The following AMPH variants were observed in gnomAD, a reference collection of about 807,000 sequenced individuals.
AMPH encodes the protein amphiphysin (Stiff-Mann syndrome with breast cancer 128kD autoantigen).
Under a neutral mutation model 99.1 loss-of-function variants are expected in AMPH, and 49 were observed. The observed-to-expected ratio is 0.49, with a 90% CI of 0.39 to 0.63. The LOEUF (loss-of-function observed/expected upper bound fraction) is 0.63. Among genes scored for constraint, AMPH ranks in the 20% least tolerant of loss-of-function variants. The probability of loss-of-function intolerance (pLI) is 0.00; values close to 1 mark genes in which losing one functional copy is unlikely to be tolerated. For missense variants in AMPH, 759 were observed against 863.4 expected (o/e 0.88, Z 1.52); for synonymous variants, 314 against 317.3 (o/e 0.99, Z 0.11).
chr7:38,584,315 C>T (rs1792569815), intron 1 of AMPH, among the ~76,000 whole-genome samples: 1 of 152,154 alleles, frequency 6.6e-6, no homozygotes, highest in Non-Finnish European at 1.5e-5. Context: ...CACCTAGAAT[C>T]AGCTATTTCT....
At chr7:38,448,542 A>G (rs1786878577) in intron 11 of AMPH, among the ~76,000 whole-genome samples, 1 of 152,212 alleles carries the variant, frequency 6.6e-6, no homozygotes, top group South Asian at 2.1e-4. Context: ...TGATAACAAT[A>G]TACTGTAATA....
intron 12 of AMPH, 50 bp downstream of exon 12, chr7:38,436,222 C>T: frequency 7.4e-7 from 1 of 1,344,216 alleles, no homozygotes; most frequent in Middle Eastern, 1.8e-4. Flanking sequence ...CCACACTGAG[C>T]TTACTGAGGT....
At chr7:38,454,030 C>T (rs571581956) in intron 11 of AMPH, among the ~76,000 whole-genome samples, 17 of 152,306 alleles carry the variant, frequency 1.1e-4, no homozygotes, top group African/African-American at 4.1e-4. Flanking sequence ...GGCGGCATCT[C>T]GGTATCCACA....
At chr7:38,432,391 C>A (rs1329772994) in intron 12 of AMPH, among the ~76,000 whole-genome samples, 179 bp from the exon 13 acceptor site, 1 of 152,034 alleles carries the variant, frequency 6.6e-6, no homozygotes, top group Admixed American at 6.6e-5. Flanking sequence ...AGTATGGTAG[C>A]CACCAGTCAC....
At chr7:38,423,078 G>C (rs1785649466) in intron 15 of AMPH, among the ~76,000 whole-genome samples, 1 of 152,196 alleles carries the variant, frequency 6.6e-6, no homozygotes, top group Non-Finnish European at 1.5e-5. Flanking sequence ...GGCTTCAGGG[G>C]CATCTTTAGT....
At chr7:38,626,636 C>T (rs1794252501) in intron 1 of AMPH, among the ~76,000 whole-genome samples, 1 of 152,162 alleles carries the variant, frequency 6.6e-6, no homozygotes, top group Non-Finnish European at 1.5e-5. Flanking sequence ...TAGGCATGGG[C>T]AAAGACTCTA....
At chr7:38,434,853 T>C (rs1328007677) in intron 12 of AMPH, among the ~76,000 whole-genome samples, 1 of 152,210 alleles carries the variant, frequency 6.6e-6, no homozygotes, top group Non-Finnish European at 1.5e-5. Flanking sequence ...CAATTATATG[T>C]ACATTCACTT....
intron 1 of AMPH, among the ~76,000 whole-genome samples, chr7:38,593,478 A>G (rs1040870642): frequency 3.3e-5 from 5 of 152,262 alleles, no homozygotes; most frequent in Non-Finnish European, 7.3e-5. Context: ...TGGCTCTTAC[A>G]TTAAGTCAAA....
chr7:38,568,850 C>T (rs1188570422), intron 1 of AMPH, among the ~76,000 whole-genome samples: 1 of 152,114 alleles, frequency 6.6e-6, no homozygotes, highest in Non-Finnish European at 1.5e-5. Flanking sequence ...GAGAGCTGAA[C>T]CCTGACACTG....
At chr7:38,406,230 G>C (rs1562731877) in intron 17 of AMPH, among the ~76,000 whole-genome samples, 1 of 152,090 alleles carries the variant, frequency 6.6e-6, no homozygotes, top group Non-Finnish European at 1.5e-5. Flanking sequence ...TAAGAGGAAA[G>C]TTTATACTGT....
intron 3 of AMPH, among the ~76,000 whole-genome samples, chr7:38,500,493 A>G (rs1789095248): frequency 6.6e-6 from 1 of 152,178 alleles, no homozygotes; most frequent in Non-Finnish European, 1.5e-5. Flanking sequence ...TCTGGAGCTC[A>G]AGCCTCATCC....
At chr7:38,604,130 C>T (rs746967508) in intron 1 of AMPH, among the ~76,000 whole-genome samples, 1 of 152,154 alleles carries the variant, frequency 6.6e-6, no homozygotes, top group Non-Finnish European at 1.5e-5. Flanking sequence ...ATGATGTGGT[C>T]ATTTGTGAAA....
At chr7:38,565,338 T>A (rs1791699755) in intron 1 of AMPH, among the ~76,000 whole-genome samples, 2 of 152,258 alleles carry the variant, frequency 1.3e-5, no homozygotes, top group South Asian at 4.1e-4. Flanking sequence ...TACCACAGAC[T>A]GGGTGGCTTA....
intron 2 of AMPH, among the ~76,000 whole-genome samples, chr7:38,528,045 A>C (rs1432827670): frequency 1.3e-5 from 2 of 152,164 alleles, no homozygotes; most frequent in Non-Finnish European, 2.9e-5. Context: ...GGTAAATTAC[A>C]TTGATTGATT....
chr7:38,580,700 T>TGATGAC (rs1324526586), intron 1 of AMPH, among the ~76,000 whole-genome samples: 9 of 143,590 alleles, frequency 6.3e-5, no homozygotes, highest in African/African-American at 2.1e-4. Flanking sequence ...ATGATGATGA[T>TGATGAC]GACGATGACG....
At chr7:38,495,330 G>A (rs185192608) in intron 3 of AMPH, among the ~76,000 whole-genome samples, 2 of 152,258 alleles carry the variant, frequency 1.3e-5, no homozygotes, top group Admixed American at 6.5e-5. Context: ...ACACATTTAA[G>A]GAAGATTAAT....
intron 18 of AMPH, 126 bp downstream of exon 18, chr7:38,393,879 G>T: frequency 1.2e-6 from 1 of 812,306 alleles, no homozygotes; most frequent in Non-Finnish European, 2.0e-6. Context: ...ATGTTGTTTG[G>T]TGGAGTCACA....
At chr7:38,584,192 C>A (rs1396639502) in intron 1 of AMPH, among the ~76,000 whole-genome samples, 1 of 152,172 alleles carries the variant, frequency 6.6e-6, no homozygotes. Context: ...ACTGGGAGCA[C>A]CTTCATGTTG....
chr7:38,441,822 A>ATATATCATATAGC (rs371603521), intron 11 of AMPH, among the ~76,000 whole-genome samples: 1 of 97,360 alleles, frequency 1.0e-5, no homozygotes, highest in Non-Finnish European at 2.0e-5. Context: ...TATATATCAT[A>ATATATCATATAGC]TATCATATAT....
Sources: allele counts gnomAD v4.1 joint callset (sites outside exome capture counted in the v4.1 genomes callset), GRCh38; gene constraint gnomAD v4.1.1; transcripts MANE v1.5; gene names NCBI Gene and HGNC (gene_info 2026-07-23, HGNC 2026-07-21).